The following SUGCT variants were observed in gnomAD, a reference collection of about 807,000 sequenced individuals.
SUGCT encodes succinyl-CoA:glutarate-CoA transferase, also known as succinyl-CoA:glutarate CoA-transferase.
In SUGCT, 41 loss-of-function variants were observed where a neutral mutation model predicts 55.0. That is an observed-to-expected ratio of 0.74 (90% CI 0.58 to 0.97). The LOEUF (loss-of-function observed/expected upper bound fraction) is 0.97. Among genes scored for constraint, SUGCT ranks in the 50% least tolerant of loss-of-function variants. SUGCT has a pLI of 0.00. For synonymous variants in SUGCT, 187 were observed against 200.4 expected (o/e 0.93, Z 0.56); for missense variants, 568 against 547.8 (o/e 1.04, Z -0.37).
intron 12 of SUGCT, among the ~76,000 whole-genome samples, chr7:40,544,840 C>T (rs752836674): frequency 5.3e-5 from 8 of 152,124 alleles, no homozygotes; most frequent in Non-Finnish European, 8.8e-5. Flanking sequence ...ACATGGTGTT[C>T]GTTATTCAAT....
the SUGCT span, among the ~76,000 whole-genome samples, chr7:40,936,919 C>G: frequency 6.6e-6 from 1 of 151,966 alleles, no homozygotes; most frequent in Non-Finnish European, 1.5e-5. Flanking sequence ...AAATTTCCTT[C>G]TAGTATTGAT....
At chr7:40,535,156 A>AT (rs1158802330) in intron 12 of SUGCT, among the ~76,000 whole-genome samples, 17 of 151,868 alleles carry the variant, frequency 1.1e-4, no homozygotes, top group Admixed American at 2.6e-4. Context: ...CTTATTTTTA[A>AT]TTTTTTTTCC....
chr7:40,369,284 G>A (rs575832270), intron 9 of SUGCT, among the ~76,000 whole-genome samples: 11 of 152,124 alleles, frequency 7.2e-5, no homozygotes, highest in African/African-American at 2.7e-4. Context: ...TGGAAGTGGA[G>A]TGGAAGATGG....
intron 13 of SUGCT, among the ~76,000 whole-genome samples, chr7:40,750,625 G>C (rs895482560): frequency 5.9e-5 from 9 of 152,144 alleles, no homozygotes; most frequent in African/African-American, 1.7e-4. Flanking sequence ...TAACCTACCA[G>C]ATAGTGACCA....
intron 12 of SUGCT, among the ~76,000 whole-genome samples, chr7:40,506,274 C>T (rs1392320295): frequency 6.6e-6 from 1 of 151,898 alleles, no homozygotes; most frequent in Non-Finnish European, 1.5e-5. Flanking sequence ...GGGTATGATT[C>T]TTGTTAGACA....
intron 8 of SUGCT, among the ~76,000 whole-genome samples, chr7:40,292,730 A>C (rs1001388826): frequency 6.6e-6 from 1 of 152,200 alleles, no homozygotes; most frequent in Non-Finnish European, 1.5e-5. Context: ...GGTGCGGTAT[A>C]GTCAGATATG....
chr7:40,336,149 C>T (rs2151162815), intron 9 of SUGCT, among the ~76,000 whole-genome samples: 1 of 152,250 alleles, frequency 6.6e-6, no homozygotes, highest in African/African-American at 2.4e-5. Flanking sequence ...ATTCGGTTTG[C>T]CAGTATTTTA....
intron 13 of SUGCT, among the ~76,000 whole-genome samples, chr7:40,765,761 A>G (rs905782293): frequency 1.3e-5 from 2 of 152,220 alleles, no homozygotes; most frequent in Non-Finnish European, 2.9e-5. Flanking sequence ...AAAAAGAAGT[A>G]GAGGAGATAC....
the SUGCT span, among the ~76,000 whole-genome samples, chr7:41,015,527 T>A: frequency 3.3e-5 from 5 of 152,232 alleles, no homozygotes; most frequent in Non-Finnish European, 7.3e-5. Context: ...AGTATAGCCC[T>A]ACATTCTGTA....
intron 12 of SUGCT, among the ~76,000 whole-genome samples, chr7:40,596,767 C>T (rs968447551): frequency 6.6e-6 from 1 of 152,162 alleles, no homozygotes; most frequent in Non-Finnish European, 1.5e-5. Flanking sequence ...CTTGTCTTCC[C>T]TATTACCTCC....
intron 12 of SUGCT, among the ~76,000 whole-genome samples, chr7:40,708,174 A>G (rs893933435): frequency 2.6e-5 from 4 of 152,162 alleles, no homozygotes; most frequent in African/African-American, 9.7e-5. Context: ...CTATTGAAGT[A>G]TTTCAGTACT....
At chr7:40,889,327 A>G in the SUGCT span, among the ~76,000 whole-genome samples, 1 of 152,170 alleles carries the variant, frequency 6.6e-6, no homozygotes, top group South Asian at 2.1e-4. Flanking sequence ...GAGGACTGCT[A>G]GTGGCAATCC....
chr7:40,792,840 T>C (rs1790380280), intron 13 of SUGCT, among the ~76,000 whole-genome samples: 1 of 152,086 alleles, frequency 6.6e-6, no homozygotes, highest in Non-Finnish European at 1.5e-5. Flanking sequence ...TTAGATCTAG[T>C]TGGAGTTCCC....
At chr7:40,178,139 A>C (rs939076576) in intron 1 of SUGCT, among the ~76,000 whole-genome samples, 2 of 152,178 alleles carry the variant, frequency 1.3e-5, no homozygotes, top group African/African-American at 2.4e-5. Flanking sequence ...AGTCTCATTT[A>C]ATTTGGGGTC....
intron 12 of SUGCT, among the ~76,000 whole-genome samples, chr7:40,642,075 C>T (rs1460634953): frequency 6.6e-6 from 1 of 152,152 alleles, no homozygotes; most frequent in African/African-American, 2.4e-5. Context: ...TTTACCTCCA[C>T]TTTGTTTTGT....
intron 6 of SUGCT, among the ~76,000 whole-genome samples, chr7:40,234,874 G>C: frequency 6.6e-6 from 1 of 151,604 alleles, no homozygotes; most frequent in East Asian, 1.9e-4. Flanking sequence ...GTGCCACTGC[G>C]CTCCGGTCTG....
At chr7:40,145,161 A>C (rs1788178224) in intron 1 of SUGCT, among the ~76,000 whole-genome samples, 1 of 152,234 alleles carries the variant, frequency 6.6e-6, no homozygotes, top group Non-Finnish European at 1.5e-5. Context: ...TTAAACCTTT[A>C]AAACAAAAAA....
chr7:40,248,021 T>G (rs1355588453), intron 7 of SUGCT, among the ~76,000 whole-genome samples: 1 of 150,516 alleles, frequency 6.6e-6, no homozygotes, highest in Non-Finnish European at 1.5e-5. Flanking sequence ...TTGTTTTTTT[T>G]TTTTTTTGAG....
chr7:40,914,278 C>CTTTTTCTT, the SUGCT span, among the ~76,000 whole-genome samples: 175 of 83,788 alleles, frequency 2.1e-3, no homozygotes, highest in African/African-American at 5.4e-3. Flanking sequence ...TTTTCTTTTT[C>CTTTTTCTT]TTTTTTTTTT....
Sources: allele counts gnomAD v4.1 joint callset (sites outside exome capture counted in the v4.1 genomes callset), GRCh38; gene constraint gnomAD v4.1.1; transcripts MANE v1.5; gene names NCBI Gene and HGNC (gene_info 2026-07-23, HGNC 2026-07-21).